Variants in KCND2 observed in about 807,000 individuals in gnomAD.
KCND2 encodes A-type voltage-gated potassium channel KCND2.
KCND2 carries 16 observed loss-of-function variants against 54.4 expected under a neutral mutation model. The ratio of observed to expected loss-of-function variants is 0.29; its 90% CI spans 0.20 to 0.45. KCND2 has a LOEUF of 0.45. KCND2 is among the 20% of genes least tolerant of loss of function. The pLI is 1.00. For synonymous variants in KCND2, 317 were observed against 310.7 expected, an observed-to-expected ratio of 1.02 and a Z score of -0.21; for missense variants, 486 against 824.2, an observed-to-expected ratio of 0.59 and a Z score of 5.02.
chr7:120,517,203 AT>A (rs1232621646), intron 1 of KCND2, among the ~76,000 whole-genome samples: 1 of 151,992 alleles, frequency 6.6e-6, no homozygotes, highest in East Asian at 1.9e-4. Flanking sequence ...ATAGTTAGTG[AT>A]TTTTTTCTGT....
At chr7:120,479,067 TC>T (rs1802567472) in intron 1 of KCND2, among the ~76,000 whole-genome samples, 1 of 152,184 alleles carries the variant, frequency 6.6e-6, no homozygotes, top group Non-Finnish European at 1.5e-5. Flanking sequence ...GTATTGAAAT[TC>T]ATGACTCACA....
intron 1 of KCND2, among the ~76,000 whole-genome samples, chr7:120,696,732 C>A (rs372562675): frequency 6.6e-6 from 1 of 152,286 alleles, no homozygotes; most frequent in African/African-American, 2.4e-5. Context: ...CTTGCTCTTG[C>A]GTTTTCTTGC....
At chr7:120,399,192 T>C (rs917276307) in intron 1 of KCND2, among the ~76,000 whole-genome samples, 5 of 151,780 alleles carry the variant, frequency 3.3e-5, no homozygotes, top group Admixed American at 6.6e-5. Flanking sequence ...TATTTTTAAA[T>C]ATTTTATATT....
chr7:120,397,445 G>A (rs73217220), intron 1 of KCND2, among the ~76,000 whole-genome samples: 15,522 of 151,860 alleles, frequency 0.1, 831 homozygotes, highest in Admixed American at 0.13. Context: ...GAAATCATAA[G>A]GATTGTTTCT....
chr7:120,421,636 G>A (rs185872383), intron 1 of KCND2, among the ~76,000 whole-genome samples: 165 of 152,264 alleles, frequency 1.1e-3, no homozygotes, highest in African/African-American at 3.5e-3. Context: ...GCCACCATTC[G>A]GAAATGCCTT....
At chr7:120,335,595 C>T (rs1329144976) in intron 1 of KCND2, among the ~76,000 whole-genome samples, 2 of 151,680 alleles carry the variant, frequency 1.3e-5, no homozygotes, top group African/African-American at 2.4e-5. Flanking sequence ...ACGCCATTCT[C>T]CTGCCTCAGC....
intron 1 of KCND2, among the ~76,000 whole-genome samples, chr7:120,428,659 A>C (rs1382551644): frequency 6.6e-6 from 1 of 152,168 alleles, no homozygotes; most frequent in Non-Finnish European, 1.5e-5. Flanking sequence ...GTCAATACTA[A>C]AGAGTAAGTG....
intron 1 of KCND2, among the ~76,000 whole-genome samples, chr7:120,591,611 C>A (rs947512990): frequency 2.4e-4 from 36 of 150,508 alleles, no homozygotes; most frequent in African/African-American, 8.8e-4. Flanking sequence ...GAATCATAAC[C>A]ATGCTCAACC....
intron 1 of KCND2, among the ~76,000 whole-genome samples, chr7:120,618,329 C>G (rs1483341789): frequency 6.6e-6 from 1 of 152,076 alleles, no homozygotes; most frequent in East Asian, 1.9e-4. Context: ...AGACTGTGTT[C>G]CCAAGAGTCT....
intron 1 of KCND2, among the ~76,000 whole-genome samples, chr7:120,310,192 A>G (rs894150461): frequency 3.9e-5 from 6 of 152,208 alleles, no homozygotes; most frequent in African/African-American, 1.4e-4. Flanking sequence ...TGTTAATTTT[A>G]TAATGAAATG....
chr7:120,592,965 T>C (rs73441819), intron 1 of KCND2, among the ~76,000 whole-genome samples: 3,048 of 152,280 alleles, frequency 0.02, 118 homozygotes, highest in African/African-American at 0.069. Flanking sequence ...TCATATTTTA[T>C]AGGAGAATAG....
chr7:120,705,581 A>G (rs576866927), intron 1 of KCND2, among the ~76,000 whole-genome samples: 1 of 152,276 alleles, frequency 6.6e-6, no homozygotes, highest in Non-Finnish European at 1.5e-5. Flanking sequence ...TAAGTATTCA[A>G]TAACTGAGCG....
At chr7:120,502,650 A>G (rs1014832831) in intron 1 of KCND2, among the ~76,000 whole-genome samples, 9 of 152,026 alleles carry the variant, frequency 5.9e-5, no homozygotes, top group Non-Finnish European at 8.8e-5. Context: ...GAACAAAACT[A>G]TGAGTATGCA....
intron 1 of KCND2, among the ~76,000 whole-genome samples, chr7:120,508,042 A>G (rs1257701360): frequency 2.0e-5 from 3 of 151,798 alleles, no homozygotes; most frequent in Non-Finnish European, 4.4e-5. Flanking sequence ...ATTTTAATGA[A>G]TTTCAAAGGC....
At chr7:120,604,641 G>A (rs945897343) in intron 1 of KCND2, among the ~76,000 whole-genome samples, 2 of 151,452 alleles carry the variant, frequency 1.3e-5, no homozygotes, top group Non-Finnish European at 2.9e-5. Flanking sequence ...GGAAACAGGT[G>A]CTTCTTGCAT....
intron 1 of KCND2, among the ~76,000 whole-genome samples, chr7:120,446,942 C>G (rs1321307827): frequency 6.6e-6 from 1 of 152,160 alleles, no homozygotes; most frequent in African/African-American, 2.4e-5. Flanking sequence ...TCAGGAGATT[C>G]AAACTTTCAT....
At chr7:120,428,507 T>C (rs2116157358) in intron 1 of KCND2, among the ~76,000 whole-genome samples, 1 of 152,324 alleles carries the variant, frequency 6.6e-6, no homozygotes, top group South Asian at 2.1e-4. Context: ...AGATCATATT[T>C]AAGACACTGG....
chr7:120,650,227 A>G lies in KCND2; in HGVS notation c.1116-82676A>G, dbSNP rs1791712383. On this transcript the variant is annotated intron_variant, in intron 1 of 5. Transcript: ENST00000331113. The stretch of plus-strand genomic sequence containing the variant: ...GCAAAGTGTTTTCCAACTTGGTTCC[A>G]TTCTCCCCGTCACTTTCAGGTACAC... 1.5e-5 allele frequency among the ~76,000 whole-genome samples: 2 copies of G among 129,560 alleles called. 1 individual carries two copies. The highest frequency in any genetic ancestry group is 3.3e-5 in the Non-Finnish European group (2 of 60,624). The allele number at this position is 129,560 out of a possible 152,430, so 85.0% of individuals were successfully genotyped here.
intron 1 of KCND2, among the ~76,000 whole-genome samples, chr7:120,616,156 A>G (rs1793021081): frequency 6.6e-6 from 1 of 152,220 alleles, no homozygotes; most frequent in Admixed American, 6.5e-5. Context: ...TGGATTTCAC[A>G]GGCTTAAAAT....
Sources: gnomAD v4.1 joint callset for allele counts (sites outside exome capture counted in the v4.1 genomes callset) on GRCh38, gnomAD v4.1.1 for gene constraint, MANE v1.5 for transcripts, NCBI Gene and HGNC (gene_info 2026-07-23, HGNC 2026-07-21) for gene names.